The following SNCAIP variants were observed in gnomAD, a reference collection of about 807,000 sequenced individuals.
The protein encoded by SNCAIP is synphilin-1.
In SNCAIP, 43 loss-of-function variants were observed where a neutral mutation model predicts 86.7. The ratio of observed to expected loss-of-function variants is 0.50; its 90% CI spans 0.39 to 0.64. SNCAIP has a LOEUF of 0.64. Ranked by LOEUF, SNCAIP falls within the 30% of genes least tolerant of loss-of-function variation. SNCAIP has a pLI of 0.00. For synonymous variants in SNCAIP, 417 were observed against 427.2 expected (o/e 0.98, Z 0.29); for missense variants, 981 against 1,103.1 (o/e 0.89, Z 1.57).
chr5:122,428,448 A>G (rs1777770688), intron 5 of SNCAIP, among the ~76,000 whole-genome samples: 1 of 152,196 alleles, frequency 6.6e-6, no homozygotes, highest in Non-Finnish European at 1.5e-5. Context: ...TTGAATAACT[A>G]GAACTAACAG....
intron 1 of SNCAIP, among the ~76,000 whole-genome samples, chr5:122,366,338 G>C (rs1315678409): frequency 6.6e-6 from 1 of 152,182 alleles, no homozygotes; most frequent in Non-Finnish European, 1.5e-5. Context: ...GCCTGTGGCA[G>C]GGTGAGTATG....
At chr5:122,322,101 G>A (rs1469320446) in intron 1 of SNCAIP, among the ~76,000 whole-genome samples, 1 of 152,208 alleles carries the variant, frequency 6.6e-6, no homozygotes, top group Non-Finnish European at 1.5e-5. Context: ...GCCTGCATCA[G>A]GGAGCTGTTA....
At chr5:122,316,309 G>A (rs1056035840) in intron 1 of SNCAIP, among the ~76,000 whole-genome samples, 1 of 152,192 alleles carries the variant, frequency 6.6e-6, no homozygotes, top group Non-Finnish European at 1.5e-5. Flanking sequence ...AAGCATACCA[G>A]GCAAGAGAAC....
At chr5:122,314,436 C>T (rs1411245696) in intron 1 of SNCAIP, among the ~76,000 whole-genome samples, 3 of 152,176 alleles carry the variant, frequency 2.0e-5, no homozygotes, top group African/African-American at 7.2e-5. Context: ...ATCAGTAACA[C>T]TCTTAGAATA....
At chr5:122,412,803 C>T (rs1455368776) in intron 3 of SNCAIP, among the ~76,000 whole-genome samples, 1 of 152,216 alleles carries the variant, frequency 6.6e-6, no homozygotes, top group African/African-American at 2.4e-5. Context: ...CTCAGACTCT[C>T]TCCTCAGTGA....
intron 10 of SNCAIP, among the ~76,000 whole-genome samples, chr5:122,454,733 G>A (rs565309013): frequency 1.3e-5 from 2 of 152,258 alleles, no homozygotes; most frequent in South Asian, 4.1e-4. Context: ...CAAATAGTTG[G>A]CAAACTCCTT....
chr5:122,445,695 G>A (rs967150756), intron 8 of SNCAIP, among the ~76,000 whole-genome samples: 2 of 143,792 alleles, frequency 1.4e-5, no homozygotes, highest in Admixed American at 7.0e-5. Flanking sequence ...GAATACAGCT[G>A]TACCCTAGAA....
chr5:122,341,909 CTTGA>C (rs765120940), intron 1 of SNCAIP, among the ~76,000 whole-genome samples: 6 of 152,256 alleles, frequency 3.9e-5, no homozygotes, highest in Admixed American at 2.0e-4. Context: ...AAATCCACTT[CTTGA>C]TTATGTCATG....
At chr5:122,350,413 TA>T in intron 1 of SNCAIP, among the ~76,000 whole-genome samples, 1 of 152,238 alleles carries the variant, frequency 6.6e-6, no homozygotes, top group African/African-American at 2.4e-5. Context: ...TATACAATAG[TA>T]TATTTTAGTG....
intron 3 of SNCAIP, among the ~76,000 whole-genome samples, chr5:122,414,317 A>G (rs1252367771): frequency 1.3e-5 from 2 of 149,086 alleles, no homozygotes; most frequent in South Asian, 2.1e-4. Context: ...TGCAACCTCC[A>G]TCTCCCAAGT....
Position 122,450,892 on chromosome 5 carries a change from C to G in SNCAIP, c.2045C>G (p.Ser682Cys). The change falls in exon 10 of 11, where the codon TCC (serine) becomes TGC (cysteine). Residue 682 changes from serine (S) to cysteine (C), a missense_variant. Transcript: ENST00000261368. ...QRSLSESDTDSNNSEDPKTTP... is the reference protein window; with the variant it reads ...QRSLSESDTDCNNSEDPKTTP... Reference sequence around the variant, plus strand: ...TCACTGAGTGAGTCTGACACAGACTCCAACAACTCTGAGGACCCCAAGACT... The same window carrying G: ...TCACTGAGTGAGTCTGACACAGACTGCAACAACTCTGAGGACCCCAAGACT... 3 of 1,614,076 alleles carry G rather than the reference C, an allele frequency of 1.9e-6. No homozygotes were observed. The South Asian group carries it at 3.3e-5, about 18-fold the overall frequency.
chr5:122,350,840 T>TGAGAATAGACAGGAGTGATACTACGA (rs1759631337), intron 1 of SNCAIP, among the ~76,000 whole-genome samples: 2 of 152,060 alleles, frequency 1.3e-5, no homozygotes, highest in African/African-American at 4.8e-5. Flanking sequence ...CATGATGAAG[T>TGAGAATAGACAGGAGTGATACTACGA]GAGAATAGAC....
rs893492039 is a variant in SNCAIP at position 122,448,590 on chromosome 5, AT to A, written c.1593-1250del. Among the ~76,000 whole-genome samples the A allele has an allele frequency of 3.8e-4, 44 of 114,420 alleles. No homozygotes were observed. The East Asian group carries it at 7.8e-3, about 20-fold the overall frequency. 75.1% of individuals were successfully genotyped at this position (114,420 alleles called of 152,430 possible). A position where few individuals can be genotyped will look rare whatever the true frequency, so the allele number is the denominator to read the frequency against. Reference sequence around the variant, plus strand: ...ATATATCCTTCCATATTTTATATATATTTTTATATATATTATATATATTTTT... The same window carrying A: ...ATATATCCTTCCATATTTTATATATATTTTATATATATTATATATATTTTT... On this transcript the variant is annotated intron_variant, in intron 8 of 10. Transcript: ENST00000261368.
At chr5:122,419,192 T>C (rs983677661) in intron 3 of SNCAIP, among the ~76,000 whole-genome samples, 1 of 151,838 alleles carries the variant, frequency 6.6e-6, no homozygotes, top group African/African-American at 2.4e-5. Context: ...CATCTGGATG[T>C]GTTAGGGGAA....
chr5:122,319,123 T>C (rs10069447), intron 1 of SNCAIP, among the ~76,000 whole-genome samples: 4,419 of 152,166 alleles, frequency 0.029, 210 homozygotes, highest in African/African-American at 0.1. Flanking sequence ...GATTGGGCTC[T>C]TCCCATTCAT....
intron 1 of SNCAIP, among the ~76,000 whole-genome samples, chr5:122,314,742 G>GT (rs1377873576): frequency 6.6e-6 from 1 of 152,134 alleles, no homozygotes. Context: ...CATCTTAGCG[G>GT]TTTTTTACGT....
At chr5:122,390,312 G>GC (rs1769078306) in intron 1 of SNCAIP, among the ~76,000 whole-genome samples, 1 of 152,244 alleles carries the variant, frequency 6.6e-6, no homozygotes, top group East Asian at 1.9e-4. Context: ...TGCCTCTGCC[G>GC]CCGCTGATGG....
chr5:122,392,603 G>A (rs1769643289), intron 2 of SNCAIP, among the ~76,000 whole-genome samples: 1 of 152,210 alleles, frequency 6.6e-6, no homozygotes, highest in South Asian at 2.1e-4. Context: ...ATGATTGGGA[G>A]TTAGGTGGTA....
At chr5:122,332,846 G>C (rs189897333) in intron 1 of SNCAIP, among the ~76,000 whole-genome samples, 1 of 152,330 alleles carries the variant, frequency 6.6e-6, no homozygotes, top group Non-Finnish European at 1.5e-5. Flanking sequence ...GAAGCAGGGG[G>C]CAGAAAAGAA....
Sources: gnomAD v4.1 joint callset for allele counts (sites outside exome capture counted in the v4.1 genomes callset) on GRCh38, gnomAD v4.1.1 for gene constraint, MANE v1.5 for transcripts, NCBI Gene and HGNC (gene_info 2026-07-23, HGNC 2026-07-21) for gene names.